The following GSE1 variants were observed in gnomAD, a reference collection of about 807,000 sequenced individuals.
GSE1 encodes genetic suppressor element 1.
A neutral mutation model predicts 112.6 loss-of-function variants in GSE1; 32 were observed. The observed-to-expected ratio is 0.28, with a 90% CI of 0.21 to 0.38. The LOEUF is 0.38. Ranked by LOEUF, GSE1 falls within the 10% of genes least tolerant of loss-of-function variation. GSE1 has a pLI of 1.00. For synonymous variants in GSE1, 1,115 were observed against 735.6 expected, an observed-to-expected ratio of 1.52 and a Z score of -8.35; for missense variants, 2,348 against 1,699.2, an observed-to-expected ratio of 1.38 and a Z score of -6.71.
intron 2 of GSE1, among the ~76,000 whole-genome samples, chr16:85,376,943 G>T (rs1169965943): frequency 6.6e-6 from 1 of 152,268 alleles, no homozygotes; most frequent in Non-Finnish European, 1.5e-5. Flanking sequence ...CCCTCCTGTT[G>T]TGCAGGTTGC....
At chr16:85,244,272 G>C in intron 1 of GSE1, among the ~76,000 whole-genome samples, 1 of 152,122 alleles carries the variant, frequency 6.6e-6, no homozygotes, top group Non-Finnish European at 1.5e-5. Context: ...GATGCCAGAG[G>C]CACTCACCTG....
intron 2 of GSE1, among the ~76,000 whole-genome samples, chr16:85,432,423 G>T (rs1255853006): frequency 6.6e-6 from 1 of 152,234 alleles, no homozygotes; most frequent in Non-Finnish European, 1.5e-5. Context: ...AAGAGGGAGA[G>T]AATGAGCTTG....
chr16:85,485,734 T>C (rs1024679807), intron 2 of GSE1, among the ~76,000 whole-genome samples: 2 of 152,228 alleles, frequency 1.3e-5, no homozygotes, highest in Non-Finnish European at 2.9e-5. Context: ...TAATTGTTCC[T>C]GTAATTGGGC....
At chr16:85,597,139 C>T (rs939520874) in intron 1 of GSE1, among the ~76,000 whole-genome samples, 7 of 151,634 alleles carry the variant, frequency 4.6e-5, no homozygotes, top group Admixed American at 1.3e-4. Context: ...CCACCATGCC[C>T]GGCTAATTTT....
intron 15 of GSE1, 185 bp from the exon 16 acceptor site, chr16:85,672,220 C>A (rs553047651): frequency 1.7e-6 from 1 of 598,860 alleles, no homozygotes; most frequent in African/African-American, 1.8e-5. Context: ...GTCTCGAACT[C>A]CTGACGACAG....
At chr16:85,475,199 T>C (rs1379519564) in intron 2 of GSE1, among the ~76,000 whole-genome samples, 1 of 152,236 alleles carries the variant, frequency 6.6e-6, no homozygotes, top group African/African-American at 2.4e-5. Context: ...TCTTTCTCCC[T>C]GCCTCCACCA....
Position 85,656,380 on chromosome 16 carries a change from C to G in GSE1, c.1027C>G (p.Arg343Gly), listed in dbSNP as rs753596809. ...CGAGGAGCTAAGGCGGGAGAGGGAG[C>G]GCGAGCGCGAGCGCGAGCGTGAGCG... is the stretch of plus-strand genomic sequence containing the variant. The part of the protein sequence containing the change: ...MDEELRRERE[R>G]EREREREREA... Residue 343 changes from arginine to glycine, a missense_variant, in exon 7 of 16, where the codon CGC (arginine) becomes GGC (glycine). By Grantham distance (125) the Arg-to-Gly change is moderately radical. Coordinates refer to ENST00000253458, the MANE Select transcript of GSE1 (RefSeq NM_014615.5). 6.8e-7 allele frequency: 1 copy of G among 1,462,648 alleles called. No individual in the cohort carries two copies. Among genetic ancestry groups the G allele is most frequent in the African/African-American group, 1.8e-5 (1 of 55,406 alleles). 90.6% of individuals were successfully genotyped at this position (1,462,648 alleles called of 1,614,324 possible).
intron 1 of GSE1, among the ~76,000 whole-genome samples, chr16:85,217,569 G>A (rs1244670569): frequency 6.6e-6 from 1 of 152,224 alleles, no homozygotes; most frequent in African/African-American, 2.4e-5. Context: ...CGTGAGAAGT[G>A]ATGCTGGGTG....
intron 1 of GSE1, among the ~76,000 whole-genome samples, chr16:85,329,675 G>A (rs1231369432): frequency 6.6e-6 from 1 of 152,010 alleles, no homozygotes; most frequent in African/African-American, 2.4e-5. Context: ...GGATTAGGCC[G>A]GAGCCAGCCG....
Position 85,342,593 on chromosome 16 carries a change from G to A in GSE1, c.2284-14870G>A, listed in dbSNP as rs978092747. Among the ~76,000 whole-genome samples the A allele has an allele frequency of 4.6e-5, 7 of 152,160 alleles. No individual in the cohort carries two copies. In the South Asian group the frequency reaches 1.2e-3, roughly 27 times the overall value. On this transcript the variant is annotated intron_variant, in intron 1 of 2. Transcript: ENST00000637419. ...TGGATGAATTCCTCCTCCTCAGAGC[G>A]CATGTGTTGAGGATCTGTCTCTGTG...
intron 2 of GSE1, among the ~76,000 whole-genome samples, chr16:85,361,277 G>A (rs2009841): frequency 0.41 from 40,442 of 97,928 alleles, 8,795 homozygotes; most frequent in East Asian, 0.62. Context: ...ACATACAGAC[G>A]CACACAAGGG....
rs189637904 is a variant in GSE1 at position 85,261,183 on chromosome 16, G to T, written c.2283+89376G>T. On this transcript the variant is annotated intron_variant, in intron 1 of 2. Transcript: ENST00000637419. ...GCCCTGGGCTGCCGCATCCCAGCTC[G>T]CATTCTTGCCAGAGCTTTCCAAACA... Among the ~76,000 whole-genome samples, 151 of 152,314 alleles carry T rather than the reference G, an allele frequency of 9.9e-4. 1 individual carries two copies. The highest frequency in any genetic ancestry group is 3.1e-3 in the Admixed American group (48 of 15,296).
chr16:85,571,316 G>T (rs913844234), intron 1 of GSE1, among the ~76,000 whole-genome samples: 2 of 152,238 alleles, frequency 1.3e-5, no homozygotes, highest in African/African-American at 4.8e-5. Flanking sequence ...GCATAGATCC[G>T]TGGCTATCAG....
chr16:85,234,764 A>C (rs1255502241), intron 1 of GSE1, among the ~76,000 whole-genome samples: 2 of 152,154 alleles, frequency 1.3e-5, no homozygotes, highest in Non-Finnish European at 2.9e-5. Context: ...CCCCCGCAGC[A>C]GCAGGGAGGA....
intron 2 of GSE1, among the ~76,000 whole-genome samples, chr16:85,471,388 C>CT (rs1480461711): frequency 6.6e-6 from 1 of 152,152 alleles, no homozygotes; most frequent in East Asian, 1.9e-4. Context: ...GCTCATAGGC[C>CT]TTTCAGCCCA....
chr16:85,267,397 C>T (rs916406231), intron 1 of GSE1, among the ~76,000 whole-genome samples: 13 of 152,146 alleles, frequency 8.5e-5, no homozygotes, highest in Admixed American at 2.0e-4. Flanking sequence ...ATCACCCCCT[C>T]GGTGACTTCC....
chr16:85,652,639 A>G (rs1174293213), intron 3 of GSE1, among the ~76,000 whole-genome samples: 2 of 152,150 alleles, frequency 1.3e-5, no homozygotes, highest in African/African-American at 4.8e-5. Context: ...GGCTGCCTGC[A>G]CTGCCTCTGC....
chr16:85,334,489 C>T (rs931705347), intron 1 of GSE1, among the ~76,000 whole-genome samples: 3 of 152,224 alleles, frequency 2.0e-5, no homozygotes, highest in Non-Finnish European at 4.4e-5. Flanking sequence ...CCCTTCTCTG[C>T]GTTTCCTCTC....
intron 1 of GSE1, among the ~76,000 whole-genome samples, chr16:85,601,523 T>C (rs1444971825): frequency 6.6e-6 from 1 of 151,178 alleles, no homozygotes; most frequent in Non-Finnish European, 1.5e-5. Context: ...GAAATCAAGG[T>C]GGGGGGGTGA....
Sources: gnomAD v4.1 joint callset for allele counts (sites outside exome capture counted in the v4.1 genomes callset) on GRCh38, gnomAD v4.1.1 for gene constraint, MANE v1.5 for transcripts, NCBI Gene and HGNC (gene_info 2026-07-23, HGNC 2026-07-21) for gene names.